The following UNC13C variants were observed in gnomAD, a reference collection of about 807,000 sequenced individuals.
UNC13C encodes the protein unc-13 homolog C, also known as protein unc-13 homolog C.
A neutral mutation model predicts 245.4 loss-of-function variants in UNC13C; 174 were observed. The observed-to-expected ratio is 0.71, with a 90% confidence interval of 0.63 to 0.80. The LOEUF (loss-of-function observed/expected upper bound fraction) is 0.80, where lower values mean the gene tolerates loss of function less well. Among genes scored for constraint, UNC13C ranks in the 30% least tolerant of loss-of-function variants. UNC13C has a pLI of 0.00. For missense variants in UNC13C, 2,829 were observed against 2,602.9 expected (o/e 1.09, Z -1.89); for synonymous variants, 992 against 895.1 (o/e 1.11, Z -1.93).
At chr15:53,912,386 C>T in the UNC13C span, 5 of 152,254 alleles carry the variant, frequency 3.3e-5, no homozygotes, top group Non-Finnish European at 7.3e-5. Context: ...ATCCTCTGGT[C>T]CCCTACTAAT....
chr15:54,326,231 C>T (rs752140726), intron 14 of UNC13C, among the ~76,000 whole-genome samples: 2 of 151,956 alleles, frequency 1.3e-5, no homozygotes, highest in Non-Finnish European at 2.9e-5. Flanking sequence ...ACAAGTGTTG[C>T]TCATTTACAA....
At chr15:54,130,608 C>G (rs897272252) in intron 2 of UNC13C, among the ~76,000 whole-genome samples, 1 of 152,000 alleles carries the variant, frequency 6.6e-6, no homozygotes, top group African/African-American at 2.4e-5. Flanking sequence ...TAATTTTTAA[C>G]AGTATTTTAT....
At chr15:54,611,810 AAAGAT>A (rs1183252157) in intron 30 of UNC13C, among the ~76,000 whole-genome samples, 1 of 152,180 alleles carries the variant, frequency 6.6e-6, no homozygotes, top group Non-Finnish European at 1.5e-5. Context: ...TACAGAGTAT[AAAGAT>A]ATTACTCAAA....
At chr15:54,177,659 T>G (rs536164723) in intron 4 of UNC13C, among the ~76,000 whole-genome samples, 17 of 152,280 alleles carry the variant, frequency 1.1e-4, no homozygotes, top group African/African-American at 3.8e-4. Flanking sequence ...TGAATTTTTA[T>G]GTAGGCATGA....
intron 30 of UNC13C, among the ~76,000 whole-genome samples, chr15:54,599,752 T>C (rs1479551215): frequency 1.3e-5 from 2 of 152,126 alleles, no homozygotes; most frequent in Non-Finnish European, 2.9e-5. Flanking sequence ...AAATTTTCTC[T>C]GGGTCTGTGT....
chr15:53,885,162 A>G, the UNC13C span, among the ~76,000 whole-genome samples: 8 of 152,240 alleles, frequency 5.3e-5, no homozygotes, highest in Non-Finnish European at 1.0e-4. Flanking sequence ...TGTCAGGCTC[A>G]GTTCTTTGAA....
At chr15:53,876,974 C>T in the UNC13C span, among the ~76,000 whole-genome samples, 1 of 152,084 alleles carries the variant, frequency 6.6e-6, no homozygotes, top group African/African-American at 2.4e-5. Context: ...GTATGTCTGA[C>T]TATGGAATAT....
intron 2 of UNC13C, among the ~76,000 whole-genome samples, chr15:54,088,227 T>A (rs964598073): frequency 1.1e-3 from 109 of 97,952 alleles, no homozygotes; most frequent in African/African-American, 3.6e-3. Context: ...TTTTTTTTTT[T>A]ACCCCCTCAT....
intron 2 of UNC13C, among the ~76,000 whole-genome samples, chr15:54,078,120 C>T (rs1320483520): frequency 6.6e-6 from 1 of 152,198 alleles, no homozygotes; most frequent in African/African-American, 2.4e-5. Context: ...CCTCCAGCTC[C>T]ATCCATGTTG....
chr15:54,330,088 C>T (rs1161403153), intron 14 of UNC13C, among the ~76,000 whole-genome samples: 1 of 151,632 alleles, frequency 6.6e-6, no homozygotes, highest in African/African-American at 2.4e-5. Flanking sequence ...ATCTAATGGG[C>T]ATGAAATAAG....
intron 17 of UNC13C, among the ~76,000 whole-genome samples, chr15:54,355,055 C>T (rs777940356): frequency 1.1e-4 from 17 of 152,114 alleles, no homozygotes; most frequent in Non-Finnish European, 2.4e-4. Context: ...CTCCTTGCCA[C>T]GTGATGCCCT....
intron 19 of UNC13C, among the ~76,000 whole-genome samples, chr15:54,448,726 C>G (rs1263618027): frequency 6.6e-6 from 1 of 152,170 alleles, no homozygotes; most frequent in Non-Finnish European, 1.5e-5. Flanking sequence ...GATTCTCTAT[C>G]CAATTTGCCA....
chr15:54,313,399 A>G (rs1202558864), intron 13 of UNC13C, among the ~76,000 whole-genome samples: 2 of 151,780 alleles, frequency 1.3e-5, no homozygotes, highest in African/African-American at 4.8e-5. Flanking sequence ...TTCTTGGTCA[A>G]TTAGTATGCA....
At chr15:54,319,262 G>T (rs2038087443) in intron 13 of UNC13C, among the ~76,000 whole-genome samples, 2 of 145,898 alleles carry the variant, frequency 1.4e-5, no homozygotes, top group African/African-American at 5.1e-5. Context: ...TGTGATTTTA[G>T]TCTGACAAAT....
intron 30 of UNC13C, among the ~76,000 whole-genome samples, chr15:54,583,306 T>C (rs1321869491): frequency 1.3e-5 from 2 of 152,202 alleles, no homozygotes; most frequent in Non-Finnish European, 2.9e-5. Flanking sequence ...AACTATTTTT[T>C]TTCCAAATGA....
At chr15:54,447,837 G>A (rs577750954) in intron 19 of UNC13C, among the ~76,000 whole-genome samples, 1 of 152,150 alleles carries the variant, frequency 6.6e-6, no homozygotes, top group Admixed American at 6.5e-5. Context: ...GTTTGCTCTT[G>A]CTTTTCTAGT....
intron 10 of UNC13C, among the ~76,000 whole-genome samples, chr15:54,280,755 C>CACAT (rs200789427): frequency 0.028 from 2,890 of 103,616 alleles, 46 homozygotes; most frequent in Non-Finnish European, 0.036. Context: ...TACATATATA[C>CACAT]ACATACATAC....
chr15:54,196,449 TAGAAAA>T lies in UNC13C; in HGVS notation c.3072-38577_3072-38572del, dbSNP rs1458981383. On this transcript the variant is annotated intron_variant, in intron 4 of 32. Transcript: ENST00000260323. Reference sequence around the variant, plus strand: ...ATTCCACATTCAATTTTCCATATAATAGAAAAAGAGAAAACATTCTCCAAGTTATTT... The same window carrying T: ...ATTCCACATTCAATTTTCCATATAATAGAGAAAACATTCTCCAAGTTATTT... Among the ~76,000 whole-genome samples the T allele has an allele frequency of 9.8e-4, 149 of 151,996 alleles. 2 individuals carry two copies. Among genetic ancestry groups the T allele is most frequent in the Non-Finnish European group, 1.3e-4 (9 of 68,012 alleles).
intron 19 of UNC13C, among the ~76,000 whole-genome samples, chr15:54,448,871 G>C (rs563791172): frequency 6.6e-6 from 1 of 152,144 alleles, no homozygotes; most frequent in Non-Finnish European, 1.5e-5. Context: ...TCCTAGCCTC[G>C]ATGGTCTTTA....
Sources: allele counts gnomAD v4.1 joint callset (sites outside exome capture counted in the v4.1 genomes callset), GRCh38; gene constraint gnomAD v4.1.1; transcripts MANE v1.5; gene names NCBI Gene and HGNC (gene_info 2026-07-23, HGNC 2026-07-21).